IWS1: variants seen among roughly 807,000 people sequenced by gnomAD.
IWS1 encodes the protein protein IWS1 homolog.
A neutral mutation model predicts 86.7 loss-of-function variants in IWS1; 27 were observed. The observed-to-expected ratio is 0.31, with a 90% confidence interval of 0.23 to 0.43. IWS1 has a LOEUF of 0.43. IWS1 is among the 20% of genes least tolerant of loss of function. The pLI is 1.00. For synonymous variants in IWS1, 313 were observed against 335.1 expected, an observed-to-expected ratio of 0.93 and a Z score of 0.72; for missense variants, 827 against 1,000.8, an observed-to-expected ratio of 0.83 and a Z score of 2.34.
chr2:127,504,052 G>C (rs1690966981), intron 3 of IWS1, among the ~76,000 whole-genome samples: 1 of 152,138 alleles, frequency 6.6e-6, no homozygotes, highest in African/African-American at 2.4e-5. Flanking sequence ...AGCATGTCTG[G>C]TACCTTTTCC....
At position 127,505,732 on chromosome 2, in the gene IWS1, T is replaced by C. The variant is rs773543120; in HGVS notation, c.171A>G (p.Glu57=). 1 of 1,551,200 alleles carries C rather than the reference T, an allele frequency of 6.4e-7. No homozygotes were observed. The highest frequency in any genetic ancestry group is 2.3e-5 in the East Asian group (1 of 43,724). The stretch of plus-strand genomic sequence containing the variant: ...CATGATGTCCTTTGGGGAGGCCATC[T>C]TCTCGATCACTAGTTTCATTCTGAA... ...RHSENETSDR[E]DGLPKGHHVT... is the part of the protein sequence containing the mutation. Residue 57 remains glutamate, a synonymous_variant, in exon 3 of 14, where the codon GAA becomes GAG. Coordinates refer to ENST00000295321, the MANE Select transcript of IWS1 (RefSeq NM_017969.3). This position sits in a 1 kb window ranked among gnomAD's most constrained non-coding sequence, Gnocchi z 5.0.
intron 8 of IWS1, 99 bp from the exon 9 acceptor site, chr2:127,493,509 T>G (rs1690343076): frequency 3.6e-6 from 4 of 1,104,846 alleles, no homozygotes; most frequent in Non-Finnish European, 4.9e-6. Flanking sequence ...AAACTGCTTT[T>G]AAAGCGTTAC....
intron 13 of IWS1, chr2:127,482,780 G>C (rs1689700637): frequency 6.6e-6 from 1 of 152,158 alleles, no homozygotes; most frequent in Non-Finnish European, 1.5e-5. Flanking sequence ...AGACAGACCA[G>C]AGTACCTCAT....
At chr2:127,513,204 G>A (rs1466764217) in intron 2 of IWS1, among the ~76,000 whole-genome samples, 1 of 152,164 alleles carries the variant, frequency 6.6e-6, no homozygotes, top group African/African-American at 2.4e-5. Flanking sequence ...TCACACCACT[G>A]CATTCCAGCC....
At chr2:127,516,298 C>G (rs745876484) in intron 2 of IWS1, among the ~76,000 whole-genome samples, 14 of 152,092 alleles carry the variant, frequency 9.2e-5, no homozygotes, top group Admixed American at 2.0e-4. Flanking sequence ...GAGCCGAGAT[C>G]GCGTCATGGC....
intron 2 of IWS1, among the ~76,000 whole-genome samples, chr2:127,509,638 G>A (rs1486118976): frequency 6.7e-6 from 1 of 149,924 alleles, no homozygotes; most frequent in Non-Finnish European, 1.5e-5. Context: ...AACCCAGGAA[G>A]CGGAGGTTGC....
intron 5 of IWS1, chr2:127,498,860 G>C (rs1690647313): frequency 6.6e-6 from 1 of 152,068 alleles, no homozygotes; most frequent in Non-Finnish European, 1.5e-5. Flanking sequence ...CTTACTATGG[G>C]GGTAACGTTG....
At chr2:127,494,785 T>C (rs1690426542) in intron 8 of IWS1, 87 bp downstream of exon 8, 1 of 653,868 alleles carries the variant, frequency 1.5e-6, no homozygotes, top group Admixed American at 2.9e-5. Flanking sequence ...TCTATCATTA[T>C]TTAATATTCC....
chr2:127,500,113 T>C (rs1690724176), intron 5 of IWS1, among the ~76,000 whole-genome samples: 1 of 152,228 alleles, frequency 6.6e-6, no homozygotes, highest in Non-Finnish European at 1.5e-5. Flanking sequence ...AATTTGATCC[T>C]ATGTTAAAAT....
upstream of IWS1, chr2:127,526,569 C>A: frequency 7.1e-7 from 1 of 1,404,356 alleles, no homozygotes; most frequent in South Asian, 1.2e-5. Context: ...ACAGCAATGA[C>A]GCCAGGCACG....
At chr2:127,491,447 ATT>A (rs11352966) in intron 10 of IWS1, among the ~76,000 whole-genome samples, 32 of 147,818 alleles carry the variant, frequency 2.2e-4, no homozygotes, top group Non-Finnish European at 2.5e-4. Context: ...TTTACTTGCA[ATT>A]TTTTTTTTTT....
chr2:127,525,745 A>G (rs1221460738), intron 1 of IWS1, among the ~76,000 whole-genome samples: 1 of 152,216 alleles, frequency 6.6e-6, no homozygotes. Context: ...CAACTGAAAC[A>G]TGGGTCCTGC....
intron 3 of IWS1, 78 bp from the exon 4 acceptor site, chr2:127,503,654 T>C: frequency 1.3e-6 from 1 of 751,994 alleles, no homozygotes; most frequent in East Asian, 3.2e-5. Context: ...TGCTTTAAGA[T>C]GGCAGTATAC....
At chr2:127,485,982 A>G (rs1689909413) in intron 13 of IWS1, 1 of 153,766 alleles carries the variant, frequency 6.5e-6, no homozygotes, top group Non-Finnish European at 1.4e-5. Context: ...TGTTCTGCAA[A>G]TCGCCTCTTA....
chr2:127,484,380 A>G (rs1689816443), intron 13 of IWS1: 1 of 152,244 alleles, frequency 6.6e-6, no homozygotes, highest in Admixed American at 6.5e-5. Context: ...ATAACTTTGA[A>G]AACAAAAATG....
intron 2 of IWS1, among the ~76,000 whole-genome samples, chr2:127,515,948 A>G (rs552358627): frequency 6.6e-6 from 1 of 152,278 alleles, no homozygotes; most frequent in South Asian, 2.1e-4. Flanking sequence ...ACTGCAGTTG[A>G]GAAGTGGAGA....
chr2:127,500,923 C>A (rs1690768592), intron 5 of IWS1, among the ~76,000 whole-genome samples: 1 of 152,180 alleles, frequency 6.6e-6, no homozygotes, highest in South Asian at 2.1e-4. Context: ...TGCACCCTAA[C>A]TTATCAGTTT....
At chr2:127,503,031 C>G (rs1202360033) in intron 4 of IWS1, among the ~76,000 whole-genome samples, 159 bp from the exon 5 acceptor site, 1 of 152,094 alleles carries the variant, frequency 6.6e-6, no homozygotes, top group Non-Finnish European at 1.5e-5. Context: ...TAACCAGCAC[C>G]CTATACACTC....
chr2:127,488,527 C>G (rs1690052691), intron 12 of IWS1, among the ~76,000 whole-genome samples: 1 of 152,204 alleles, frequency 6.6e-6, no homozygotes, highest in Admixed American at 6.5e-5. Flanking sequence ...TCTGCAATGT[C>G]TTCTCACCCC....
Sources: gnomAD v4.1 joint callset for allele counts (sites outside exome capture counted in the v4.1 genomes callset) on GRCh38, gnomAD v4.1.1 for gene constraint, Gnocchi (gnomAD v3.1) non-coding constraint, MANE v1.5 for transcripts, NCBI Gene and HGNC (gene_info 2026-07-23, HGNC 2026-07-21) for gene names.